The following IL12RB2 variants were observed in gnomAD, a reference collection of about 807,000 sequenced individuals.
The protein encoded by IL12RB2 is interleukin 12 receptor subunit beta 2, also known as interleukin-12 receptor subunit beta-2.
In IL12RB2, 82 loss-of-function variants were observed where a neutral mutation model predicts 89.4. That is an observed-to-expected ratio of 0.92 (90% confidence interval 0.77 to 1.10). The LOEUF is 1.10. Ranked by LOEUF, IL12RB2 falls within the 50% of genes least tolerant of loss-of-function variation. IL12RB2 has a pLI of 0.00. For missense variants in IL12RB2, 963 were observed against 1,031.9 expected, an observed-to-expected ratio of 0.93 and a Z score of 0.92; for synonymous variants, 368 against 370.1, an observed-to-expected ratio of 0.99 and a Z score of 0.07.
rs1358228969 is a variant in IL12RB2 at position 67,398,488 on chromosome 1, C to T, written c.*2399C>T. On this transcript the variant is annotated 3_prime_UTR_variant, in exon 17 of 17. Transcript: ENST00000674203. ...TAAAGTCTCATATGATACTGCAGTC[C>T]TCATTTGTCTTCCCAAAAAAAAAAA... is the stretch of plus-strand genomic sequence containing the variant. Among the ~76,000 whole-genome samples the T allele has an allele frequency of 4.0e-5, 6 of 150,830 alleles. No homozygotes were observed. The highest frequency in any genetic ancestry group is 7.4e-5 in the Non-Finnish European group (5 of 67,778).
At chr1:67,391,753 C>T (rs1168495026) in intron 16 of IL12RB2, among the ~76,000 whole-genome samples, 2 of 151,942 alleles carry the variant, frequency 1.3e-5, no homozygotes, top group South Asian at 4.1e-4. Flanking sequence ...TCTCCTGCCT[C>T]AGCCTCCCTA....
intron 2 of IL12RB2, 38 bp downstream of exon 2, chr1:67,314,038 C>T (rs1339057633): frequency 6.6e-6 from 1 of 152,126 alleles, no homozygotes; most frequent in Non-Finnish European, 1.5e-5. Context: ...GAATTTTGTT[C>T]TTTGCCTCAT....
intron 14 of IL12RB2, among the ~76,000 whole-genome samples, chr1:67,380,489 C>G (rs1246280703): frequency 2.0e-5 from 3 of 152,206 alleles, no homozygotes; most frequent in African/African-American, 7.2e-5. Context: ...GCACACAGTA[C>G]TCGCTTACTA....
At position 67,321,743 on chromosome 1, in the gene IL12RB2, T is replaced by C. The variant is rs1443513017; in HGVS notation, c.218T>C (p.Phe73Ser). Residue 73 changes from phenylalanine to serine, a missense_variant, in exon 4 of 17, where the codon TTT becomes TCT. By Grantham distance (155) the Phe-to-Ser change is radical. Transcript: ENST00000674203. ...CGTAACAAGTTAATCCTGTACAAGT[T>C]TGACAGAAGAATCAATTTTCACCAT... ...SRRNKLILYK[F>S]DRRINFHHGH... 2.5e-6 allele frequency: 4 copies of C among 1,613,296 alleles called. No homozygotes were observed. The East Asian group carries it at 8.9e-5, about 36-fold the overall frequency.
At chr1:67,310,209 A>AGCCAAATC (rs1553305469) in intron 1 of IL12RB2, among the ~76,000 whole-genome samples, 6 of 149,160 alleles carry the variant, frequency 4.0e-5, no homozygotes, top group African/African-American at 1.5e-4. Flanking sequence ...AAAAAAAAAA[A>AGCCAAATC]GCCAAATCCC....
At chr1:67,332,955 G>C (rs1291847071) in intron 8 of IL12RB2, among the ~76,000 whole-genome samples, 2 of 152,314 alleles carry the variant, frequency 1.3e-5, no homozygotes, top group Admixed American at 1.3e-4. Flanking sequence ...AGGCAGCACA[G>C]TAACTTTCTT....
intron 10 of IL12RB2, among the ~76,000 whole-genome samples, chr1:67,360,283 C>T (rs1273832875): frequency 3.3e-5 from 5 of 151,708 alleles, no homozygotes; most frequent in Non-Finnish European, 7.4e-5. Context: ...CCTGTGATCC[C>T]AGCTGCTTGG....
At chr1:67,362,593 GAAAA>G (rs1437203524) in intron 10 of IL12RB2, among the ~76,000 whole-genome samples, 2 of 131,668 alleles carry the variant, frequency 1.5e-5, no homozygotes, top group African/African-American at 5.5e-5. Context: ...AAAAAAAAAA[GAAAA>G]AGAAAAAAAA....
chr1:67,337,064 T>G (rs1168522647), intron 8 of IL12RB2, among the ~76,000 whole-genome samples: 1 of 152,166 alleles, frequency 6.6e-6, no homozygotes. Context: ...CAGACCTGGC[T>G]CTGAAGCTCA....
At chr1:67,330,863 G>A in intron 8 of IL12RB2, 53 bp downstream of exon 8, 1 of 961,198 alleles carries the variant, frequency 1.0e-6, no homozygotes, top group Non-Finnish European at 1.7e-6. Flanking sequence ...GGGAGAGAGG[G>A]GGGAAGATGT....
chr1:67,372,288 C>T (rs1663452171), intron 11 of IL12RB2, 148 bp from the exon 12 acceptor site: 6 of 678,882 alleles, frequency 8.8e-6, no homozygotes, highest in Non-Finnish European at 1.3e-5. Flanking sequence ...TAACATAGGT[C>T]ATCAGTCCAG....
At chr1:67,348,745 C>T (rs1377106999) in intron 9 of IL12RB2, among the ~76,000 whole-genome samples, 1 of 151,516 alleles carries the variant, frequency 6.6e-6, no homozygotes, top group African/African-American at 2.4e-5. Context: ...TATCTGTTTT[C>T]CTATTAGCTC....
At chr1:67,326,595 G>A in intron 4 of IL12RB2, 140 bp from the exon 5 acceptor site, 1 of 1,390,566 alleles carries the variant, frequency 7.2e-7, no homozygotes, top group South Asian at 1.3e-5. Context: ...ACTGGGACTT[G>A]AATGGAATCT....
At position 67,380,095 on chromosome 1, in the gene IL12RB2, C is replaced by T. The variant is rs760204519; in HGVS notation, c.1827C>T (p.His609=). 68 of 1,614,002 alleles carry T rather than the reference C, an allele frequency of 4.2e-5. No homozygotes were observed. Among genetic ancestry groups the T allele is most frequent in the Admixed American group, 8.3e-5 (5 of 59,998 alleles). The change falls in exon 14 of 17, where the codon CAC becomes CAT. Residue 609 remains histidine (H), a synonymous_variant. Transcript: ENST00000674203. ...TGACAGCTGCTGGTGAAAGTTCCCA[C>T]GGAAATGAGAGGGAATTTTGTCTGC... is the stretch of plus-strand genomic sequence containing the variant. ...TALTAAGESS[H]GNEREFCLQG... is the part of the protein sequence containing the mutation.
chr1:67,395,561 G>A lies in IL12RB2; in HGVS notation c.2061G>A (p.Leu687=). The A allele has an allele frequency of 6.2e-7, 1 of 1,614,222 alleles. No individual in the cohort carries two copies. The change falls in exon 17 of 17, where the codon CTG becomes CTA. Residue 687 remains leucine, a synonymous_variant. Transcript: ENST00000674203. Reference sequence around the variant, plus strand: ...CTTTCTCTCAGGAGAAGACACAGCTGCCCTTGGACAGGCTCCTGATAGACT... The same window carrying A: ...CTTTCTCTCAGGAGAAGACACAGCTACCCTTGGACAGGCTCCTGATAGACT... ...KYPIAEEKTQ[L]PLDRLLIDWP...
chr1:67,341,380 T>C lies in IL12RB2; in HGVS notation c.1038+2677T>C, dbSNP rs1368681648. ...GTTGCAGTGAGCTGAGATCGTGCCATAGTACTCCAGCCTGGGTGACAGAGC... is the reference window on the plus strand; with the variant it reads ...GTTGCAGTGAGCTGAGATCGTGCCACAGTACTCCAGCCTGGGTGACAGAGC... On this transcript the variant is annotated intron_variant, in intron 9 of 16. Coordinates refer to ENST00000674203, the MANE Select transcript of IL12RB2 (RefSeq NM_001374259.2). Among the ~76,000 whole-genome samples the C allele has an allele frequency of 4.0e-5, 6 of 148,952 alleles. No homozygotes were observed. In the Admixed American group the frequency reaches 4.0e-4, roughly 10 times the overall value.
At chr1:67,330,616 C>A in intron 7 of IL12RB2, 44 bp from the exon 8 acceptor site, 3 of 895,762 alleles carry the variant, frequency 3.3e-6, no homozygotes, top group South Asian at 1.4e-5. Flanking sequence ...CTTAAATTAG[C>A]AATCTAGTAT....
At chr1:67,337,626 A>G (rs1658932347) in intron 8 of IL12RB2, among the ~76,000 whole-genome samples, 1 of 152,240 alleles carries the variant, frequency 6.6e-6, no homozygotes, top group Non-Finnish European at 1.5e-5. Flanking sequence ...ATAATATCAC[A>G]TGATTTGTTC....
At chr1:67,335,948 T>C (rs1410933683) in intron 8 of IL12RB2, among the ~76,000 whole-genome samples, 1 of 152,218 alleles carries the variant, frequency 6.6e-6, no homozygotes, top group Non-Finnish European at 1.5e-5. Flanking sequence ...GATTCTTAGC[T>C]CTGTAATAAT....
Sources: gnomAD v4.1 joint callset for allele counts (sites outside exome capture counted in the v4.1 genomes callset) on GRCh38, gnomAD v4.1.1 for gene constraint, MANE v1.5 for transcripts, NCBI Gene and HGNC (gene_info 2026-07-23, HGNC 2026-07-21) for gene names.